Variants in CSMD1 observed in about 807,000 individuals in gnomAD.
CSMD1 encodes CUB and sushi domain-containing protein 1.
In CSMD1, 213 loss-of-function variants were observed where a neutral mutation model predicts 417.5. That is an observed-to-expected ratio of 0.51 (90% confidence interval 0.46 to 0.57). The LOEUF (loss-of-function observed/expected upper bound fraction) is 0.57, where lower values mean the gene tolerates loss of function less well. Among genes scored for constraint, CSMD1 ranks in the 20% least tolerant of loss-of-function variants. The pLI is 0.00. For missense variants in CSMD1, 6,923 were observed against 4,529.7 expected (o/e 1.53, Z -15.17); for synonymous variants, 2,862 against 1,736.8 (o/e 1.65, Z -16.11).
chr8:4,614,290 G>A (rs1801352280), intron 2 of CSMD1, among the ~76,000 whole-genome samples: 1 of 152,116 alleles, frequency 6.6e-6, no homozygotes, highest in African/African-American at 2.4e-5. Context: ...TAAACGGACT[G>A]GACACAAAGG....
intron 10 of CSMD1, among the ~76,000 whole-genome samples, chr8:3,518,193 G>T (rs945764025): frequency 6.6e-6 from 1 of 152,022 alleles, no homozygotes; most frequent in Non-Finnish European, 1.5e-5. Flanking sequence ...GCGAACTATG[G>T]ACCAATGATT....
chr8:3,152,522 A>C (rs936104911), intron 39 of CSMD1, among the ~76,000 whole-genome samples: 4 of 152,116 alleles, frequency 2.6e-5, no homozygotes, highest in Non-Finnish European at 5.9e-5. Context: ...TTTCTTTTTT[A>C]ATCATCATCA....
chr8:4,427,299 T>C (rs1797616532), intron 2 of CSMD1, among the ~76,000 whole-genome samples: 1 of 152,176 alleles, frequency 6.6e-6, no homozygotes, highest in Non-Finnish European at 1.5e-5. Context: ...CAGGTCTTGG[T>C]ACTGTTGACA....
At chr8:3,406,901 G>A (rs928540882) in intron 14 of CSMD1, among the ~76,000 whole-genome samples, 5 of 152,098 alleles carry the variant, frequency 3.3e-5, no homozygotes, top group Non-Finnish European at 5.9e-5. Flanking sequence ...ACATACTAGT[G>A]CTGTATTTTA....
chr8:4,166,518 T>C (rs1584944396), intron 3 of CSMD1, among the ~76,000 whole-genome samples: 1 of 152,132 alleles, frequency 6.6e-6, no homozygotes, highest in Admixed American at 6.5e-5. Flanking sequence ...GAAAAGCAAA[T>C]ACTGTATATT....
chr8:3,521,244 T>G (rs1415568114), intron 10 of CSMD1, among the ~76,000 whole-genome samples: 1 of 152,202 alleles, frequency 6.6e-6, no homozygotes, highest in East Asian at 1.9e-4. Flanking sequence ...GTTGCTGATT[T>G]CCCCAGGGAT....
intron 8 of CSMD1, among the ~76,000 whole-genome samples, chr8:3,603,090 G>A (rs995493910): frequency 1.3e-5 from 2 of 152,172 alleles, no homozygotes; most frequent in African/African-American, 4.8e-5. Flanking sequence ...AACATTCAGA[G>A]TGTGTCATTT....
chr8:4,324,164 G>A (rs1309963142), intron 3 of CSMD1, among the ~76,000 whole-genome samples: 3 of 152,186 alleles, frequency 2.0e-5, no homozygotes, highest in South Asian at 2.1e-4. Flanking sequence ...GACAAACAGT[G>A]GAAATAGTAT....
intron 14 of CSMD1, among the ~76,000 whole-genome samples, chr8:3,407,030 G>A (rs1032265370): frequency 6.6e-6 from 1 of 152,122 alleles, no homozygotes; most frequent in African/African-American, 2.4e-5. Context: ...AGGAAGAATA[G>A]AAGGAAGAAA....
intron 5 of CSMD1, among the ~76,000 whole-genome samples, chr8:3,979,890 G>T (rs111703959): frequency 1.3e-5 from 2 of 152,138 alleles, no homozygotes; most frequent in Non-Finnish European, 2.9e-5. Flanking sequence ...AATAAACTTT[G>T]TAAACTGAAA....
chr8:4,275,786 G>T (rs1388719539), intron 3 of CSMD1, among the ~76,000 whole-genome samples: 1 of 152,110 alleles, frequency 6.6e-6, no homozygotes, highest in African/African-American at 2.4e-5. Context: ...ACTCTAAAAT[G>T]CTATAACTTT....
intron 3 of CSMD1, among the ~76,000 whole-genome samples, chr8:4,109,654 T>G (rs926617503): frequency 6.6e-6 from 1 of 152,164 alleles, no homozygotes; most frequent in African/African-American, 2.4e-5. Flanking sequence ...ACCTTGTAAG[T>G]TTGTTGTCCA....
chr8:3,509,418 A>C (rs1455539943), intron 10 of CSMD1, among the ~76,000 whole-genome samples: 3 of 152,208 alleles, frequency 2.0e-5, no homozygotes, highest in African/African-American at 4.8e-5. Context: ...CAATTTTCTC[A>C]GGACAATGTT....
At chr8:3,244,363 A>G (rs1452756617) in intron 26 of CSMD1, among the ~76,000 whole-genome samples, 1 of 152,092 alleles carries the variant, frequency 6.6e-6, no homozygotes, top group Middle Eastern at 3.2e-3. Flanking sequence ...AGTTATGCAA[A>G]CCTAGGACGT....
chr8:3,547,900 A>C (rs1798743523), intron 10 of CSMD1, among the ~76,000 whole-genome samples: 1 of 152,328 alleles, frequency 6.6e-6, no homozygotes, highest in East Asian at 1.9e-4. Context: ...AGTACTCCTA[A>C]AATTACTACA....
intron 27 of CSMD1, among the ~76,000 whole-genome samples, chr8:3,226,100 C>T (rs1449327958): frequency 6.6e-6 from 1 of 152,198 alleles, no homozygotes; most frequent in Non-Finnish European, 1.5e-5. Flanking sequence ...AATGTTCACA[C>T]CGTTGGGGGC....
rs918321686 is a variant in CSMD1, at chr8:3,095,395, C to T, written c.7138+1454G>A. ...TTGCGTAATGAGTTACTTCTCTCTACTCTACAGACTAAAGAAAAAGTTGTA... is the reference window on the plus strand; with the variant it reads ...TTGCGTAATGAGTTACTTCTCTCTATTCTACAGACTAAAGAAAAAGTTGTA... On this transcript the variant is annotated intron_variant, in intron 47 of 69. Transcript: ENST00000635120. 4.6e-5 allele frequency among the ~76,000 whole-genome samples: 7 copies of T among 152,110 alleles called. No homozygotes were observed. In the East Asian group the frequency reaches 5.8e-4, roughly 13 times the overall value.
intron 10 of CSMD1, among the ~76,000 whole-genome samples, chr8:3,540,702 T>A (rs754444322): frequency 8.0e-5 from 12 of 150,732 alleles, no homozygotes; most frequent in Non-Finnish European, 1.5e-4. Flanking sequence ...AAACAAACAA[T>A]CCCATTAAAA....
intron 5 of CSMD1, among the ~76,000 whole-genome samples, chr8:3,828,562 T>G (rs540932143): frequency 6.6e-6 from 1 of 152,316 alleles, no homozygotes; most frequent in Admixed American, 6.5e-5. Flanking sequence ...TTACAGAACT[T>G]GTCGTATTGA....
Sources: gnomAD v4.1 joint callset for allele counts (sites outside exome capture counted in the v4.1 genomes callset) on GRCh38, gnomAD v4.1.1 for gene constraint, MANE v1.5 for transcripts, NCBI Gene and HGNC (gene_info 2026-07-23, HGNC 2026-07-21) for gene names.